PLPPR1: variants seen among roughly 807,000 people sequenced by gnomAD.
The protein encoded by PLPPR1 is phospholipid phosphatase related 1, also known as phospholipid phosphatase-related protein type 1.
In PLPPR1, 10 loss-of-function variants were observed where a neutral mutation model predicts 33.1. The observed-to-expected ratio is 0.30, with a 90% CI of 0.19 to 0.51. PLPPR1 has a LOEUF of 0.51. PLPPR1 is among the 20% of genes least tolerant of loss of function. PLPPR1 has a pLI of 0.97. For missense variants in PLPPR1, 304 were observed against 408.1 expected, an observed-to-expected ratio of 0.74 and a Z score of 2.20; for synonymous variants, 151 against 151.0, an observed-to-expected ratio of 1.00 and a Z score of 0.00.
chr9:101,139,047 A>AT (rs1158805016), intron 1 of PLPPR1, among the ~76,000 whole-genome samples: 2 of 151,994 alleles, frequency 1.3e-5, no homozygotes, highest in African/African-American at 2.4e-5. Context: ...TCTAAGTATC[A>AT]TTTTTTTCAT....
At chr9:101,175,292 A>G (rs931161593) in intron 1 of PLPPR1, among the ~76,000 whole-genome samples, 68 of 152,158 alleles carry the variant, frequency 4.5e-4, no homozygotes, top group Non-Finnish European at 4.4e-5. Flanking sequence ...ACCTTTCTTC[A>G]TGAAAAAATT....
chr9:101,054,165 C>A (rs1830254889), intron 1 of PLPPR1, among the ~76,000 whole-genome samples: 2 of 152,062 alleles, frequency 1.3e-5, no homozygotes, highest in South Asian at 4.2e-4. Flanking sequence ...GCCTGGGTGA[C>A]AGAGCAAGAC....
At chr9:101,198,262 A>G (rs928717296) in intron 2 of PLPPR1, among the ~76,000 whole-genome samples, 1 of 152,120 alleles carries the variant, frequency 6.6e-6, no homozygotes, top group Non-Finnish European at 1.5e-5. Context: ...ACCACCACTA[A>G]AAACATCCCT....
At chr9:101,238,436 A>T (rs1324142717) in intron 2 of PLPPR1, among the ~76,000 whole-genome samples, 1 of 149,086 alleles carries the variant, frequency 6.7e-6, no homozygotes, top group Non-Finnish European at 1.5e-5. Context: ...CACACAATGG[A>T]ATACTACTCA....
chr9:101,107,795 A>G (rs1830993714), intron 1 of PLPPR1, among the ~76,000 whole-genome samples: 1 of 144,310 alleles, frequency 6.9e-6, no homozygotes, highest in African/African-American at 2.6e-5. Flanking sequence ...GCTAGCAATC[A>G]GCGAGATTCC....
chr9:101,289,848 C>A (rs1429354744), intron 4 of PLPPR1, among the ~76,000 whole-genome samples: 2 of 152,184 alleles, frequency 1.3e-5, no homozygotes, highest in Non-Finnish European at 2.9e-5. Flanking sequence ...CAAAGATAAA[C>A]TTTGTTAAAT....
intron 2 of PLPPR1, among the ~76,000 whole-genome samples, chr9:101,197,354 C>G (rs1826416165): frequency 6.6e-6 from 1 of 152,182 alleles, no homozygotes. Flanking sequence ...CTCACTGTCA[C>G]CTGAACATCA....
intron 2 of PLPPR1, among the ~76,000 whole-genome samples, chr9:101,248,893 A>C (rs1028009992): frequency 2.6e-5 from 4 of 152,090 alleles, no homozygotes; most frequent in African/African-American, 7.2e-5. Flanking sequence ...AGACTTTCTG[A>C]GGCCAAAACT....
intron 2 of PLPPR1, among the ~76,000 whole-genome samples, chr9:101,190,563 T>G (rs1057251096): frequency 1.3e-5 from 2 of 152,110 alleles, no homozygotes; most frequent in African/African-American, 4.8e-5. Context: ...CTTGGGGATG[T>G]TTTGTTTATT....
intron 7 of PLPPR1, among the ~76,000 whole-genome samples, chr9:101,322,946 C>A (rs546938224): frequency 3.3e-5 from 5 of 152,200 alleles, no homozygotes; most frequent in African/African-American, 1.2e-4. Context: ...TTATGTAAGC[C>A]ACATTTTCTC....
At chr9:101,045,863 A>G (rs1830137045) in intron 1 of PLPPR1, among the ~76,000 whole-genome samples, 1 of 152,228 alleles carries the variant, frequency 6.6e-6, no homozygotes, top group Non-Finnish European at 1.5e-5. Flanking sequence ...TGTAAGGAGC[A>G]TCTGAGCTGT....
chr9:101,292,239 G>GA (rs1407168172), intron 4 of PLPPR1, among the ~76,000 whole-genome samples: 1 of 152,004 alleles, frequency 6.6e-6, no homozygotes, highest in Non-Finnish European at 1.5e-5. Context: ...AAAATTTAGA[G>GA]AAAAAAGAAT....
chr9:101,066,147 G>A (rs1830410536), intron 1 of PLPPR1, among the ~76,000 whole-genome samples: 1 of 151,930 alleles, frequency 6.6e-6, no homozygotes, highest in South Asian at 2.1e-4. Context: ...ACGGTTTTGA[G>A]GAATGCTGGT....
At chr9:101,289,074 T>C (rs1017633909) in intron 4 of PLPPR1, among the ~76,000 whole-genome samples, 1 of 152,142 alleles carries the variant, frequency 6.6e-6, no homozygotes, top group African/African-American at 2.4e-5. Flanking sequence ...TGAGGCCCTC[T>C]CCCATCATGC....
intron 1 of PLPPR1, among the ~76,000 whole-genome samples, chr9:101,112,555 G>A (rs1487330349): frequency 1.3e-5 from 2 of 152,110 alleles, no homozygotes; most frequent in Non-Finnish European, 2.9e-5. Flanking sequence ...TTTAATCATT[G>A]TCTCCTCCTG....
intron 1 of PLPPR1, among the ~76,000 whole-genome samples, chr9:101,156,415 T>C (rs1208464731): frequency 6.6e-6 from 1 of 150,824 alleles, no homozygotes; most frequent in East Asian, 2.0e-4. Flanking sequence ...CCAGGTATGG[T>C]GGTGTCTGCC....
intron 5 of PLPPR1, 27 bp downstream of exon 5, chr9:101,309,488 A>G (rs1197626247): frequency 6.2e-7 from 1 of 1,606,692 alleles, no homozygotes; most frequent in Non-Finnish European, 8.5e-7. Context: ...TGTCTCTCCT[A>G]AGTCCAGTTT....
chr9:101,131,109 A>G (rs1380691010), intron 1 of PLPPR1, among the ~76,000 whole-genome samples: 2 of 152,194 alleles, frequency 1.3e-5, no homozygotes, highest in African/African-American at 2.4e-5. Context: ...GATGAGGCCA[A>G]TTGCATAGTT....
intron 1 of PLPPR1, among the ~76,000 whole-genome samples, chr9:101,175,769 C>T (rs1826010247): frequency 6.6e-6 from 1 of 152,048 alleles, no homozygotes; most frequent in Admixed American, 6.6e-5. Context: ...GAGAACACAG[C>T]AAGGCTGGGC....
Sources: allele counts gnomAD v4.1 joint callset (sites outside exome capture counted in the v4.1 genomes callset), GRCh38; gene constraint gnomAD v4.1.1; transcripts MANE v1.5; gene names NCBI Gene and HGNC (gene_info 2026-07-23, HGNC 2026-07-21).